Variants in USP22 observed in about 807,000 individuals in gnomAD.
USP22 encodes the protein ubiquitin carboxyl-terminal hydrolase 22.
A neutral mutation model predicts 68.1 loss-of-function variants in USP22; 22 were observed. That is an observed-to-expected ratio of 0.32 (90% CI 0.23 to 0.46). The LOEUF (loss-of-function observed/expected upper bound fraction) is 0.46, where lower values mean the gene tolerates loss of function less well. USP22 is among the 20% of genes least tolerant of loss of function. The pLI, the probability that USP22 is intolerant of heterozygous loss-of-function variation, is 1.00. For missense variants in USP22, 433 were observed against 695.8 expected, an observed-to-expected ratio of 0.62 and a Z score of 4.25; for synonymous variants, 279 against 274.2, an observed-to-expected ratio of 1.02 and a Z score of -0.17.
chr17:21,001,193 T>C lies in USP22; in HGVS notation c.*1838A>G, dbSNP rs1381982993. The C allele has an allele frequency of 1.3e-5, 2 of 152,180 alleles. No individual in the cohort carries two copies. Among genetic ancestry groups the C allele is most frequent in the Non-Finnish European group, 2.9e-5 (2 of 68,038 alleles). The allele number at this position is 152,180 out of a possible 1,614,324, so 9.4% of individuals were successfully genotyped here. On this transcript the variant is annotated 3_prime_UTR_variant, in exon 13 of 13. Coordinates refer to ENST00000261497, the MANE Select transcript of USP22 (RefSeq NM_015276.2). ...ATTCATTTTATAAAACATGCTTCCA[T>C]GTGAATTCTTTAAGTGCAGAAAAAC...
intron 2 of USP22, among the ~76,000 whole-genome samples, chr17:21,023,517 T>C (rs1319330019): frequency 1.3e-5 from 2 of 151,354 alleles, no homozygotes; most frequent in Non-Finnish European, 1.5e-5. Context: ...TGGTGGTGTG[T>C]GTCTAAGGTC....
At position 21,019,180 on chromosome 17, in the gene USP22, C is replaced by T. The variant is rs1972123923; in HGVS notation, c.424G>A (p.Gly142Arg). Residue 142 changes from glycine (G) to arginine (R), a missense_variant, in exon 4 of 13, where the codon GGA (glycine) becomes AGA (arginine). By Grantham distance (125) the Gly-to-Arg change is moderately radical (BLOSUM62 -2). Around this residue, in one of 4 missense-constraint regions of USP22, gnomAD observed 144 missense variants for 237.2 expected, o/e 0.61. Coordinates refer to ENST00000261497, the MANE Select transcript of USP22 (RefSeq NM_015276.2). ...GGTTCCCAAGTTGAAAACTTCTCTC[C>T]AACGCCTAAGCAGATGAAGGACAGT... ...QRKAWKMQGV[G>R]EKFSTWEPTK... The T allele has an allele frequency of 1.9e-6, 3 of 1,614,020 alleles. No individual in the cohort carries two copies. The highest frequency in any genetic ancestry group is 4.5e-5 in the East Asian group (2 of 44,886).
At chr17:21,034,530 T>C (rs1353236209) in intron 1 of USP22, among the ~76,000 whole-genome samples, 1 of 152,196 alleles carries the variant, frequency 6.6e-6, no homozygotes, top group African/African-American at 2.4e-5. Flanking sequence ...TTCATAAGCT[T>C]TAAACTGCCC....
chr17:21,015,879 G>C lies in USP22; in HGVS notation c.711C>G (p.Ser237=), dbSNP rs370527598. The change falls in exon 6 of 13, where the codon TCC becomes TCG. Residue 237 remains serine (S), a synonymous_variant. Coordinates refer to ENST00000261497, the MANE Select transcript of USP22 (RefSeq NM_015276.2). ...LFQEFYSGHR[S]PHIPYKLLHL... is the part of the protein sequence containing the mutation. ...GCAGCAACTTATACGGGATGTGAGGGGACCGGTGTCCAGAGTAAAACTGCC... is the reference window on the plus strand; with the variant it reads ...GCAGCAACTTATACGGGATGTGAGGCGACCGGTGTCCAGAGTAAAACTGCC... The C allele has an allele frequency of 3.5e-5, 56 of 1,613,942 alleles. No homozygotes were observed. Among genetic ancestry groups the C allele is most frequent in the Admixed American group, 5.0e-5 (3 of 59,972 alleles).
At chr17:21,008,293 G>A (rs1034729814) in intron 8 of USP22, among the ~76,000 whole-genome samples, 1 of 152,118 alleles carries the variant, frequency 6.6e-6, no homozygotes. Context: ...GAAAACTAAT[G>A]TTCACACACA....
chr17:21,005,701 G>A (rs1021161795), intron 10 of USP22, among the ~76,000 whole-genome samples: 3 of 152,166 alleles, frequency 2.0e-5, no homozygotes, highest in East Asian at 1.9e-4. Context: ...GGAAGAGGCC[G>A]CTAACTACCA....
chr17:21,002,337 T>C lies in USP22; in HGVS notation c.*694A>G, dbSNP rs1913612581. On this transcript the variant is annotated 3_prime_UTR_variant, in exon 13 of 13. Coordinates refer to ENST00000261497, the MANE Select transcript of USP22 (RefSeq NM_015276.2). ...AGTAATTCATTCACTTTACTAGTAT[T>C]ACATTTATGAAATTCACCTTTGTGG... 1 of 152,276 alleles carries C rather than the reference T, an allele frequency of 6.6e-6. No homozygotes were observed. Among genetic ancestry groups the C allele is most frequent in the Non-Finnish European group, 1.5e-5 (1 of 68,110 alleles). 9.4% of individuals were successfully genotyped at this position (152,276 alleles called of 1,614,324 possible). A position where few individuals can be genotyped will look rare whatever the true frequency, so the allele number is the denominator to read the frequency against.
At chr17:21,035,903 C>A (rs527960414) in intron 1 of USP22, among the ~76,000 whole-genome samples, 16 of 151,714 alleles carry the variant, frequency 1.1e-4, no homozygotes, top group African/African-American at 2.7e-4. Context: ...TGGTGGCAGG[C>A]GCCTGTAGTC....
At position 21,042,877 on chromosome 17, in the gene USP22, G is replaced by A. The variant is rs1972460425; in HGVS notation, c.-42C>T. 2 of 1,219,470 alleles carry A rather than the reference G, an allele frequency of 1.6e-6. No homozygotes were observed. Among genetic ancestry groups the A allele is most frequent in the Non-Finnish European group, 2.1e-6 (2 of 974,784 alleles). The allele number at this position is 1,219,470 out of a possible 1,614,324, so 75.5% of individuals were successfully genotyped here. On this transcript the variant is annotated 5_prime_UTR_variant, in exon 1 of 13. Coordinates refer to ENST00000261497, the MANE Select transcript of USP22 (RefSeq NM_015276.2). ...CCGCGCGCGGGGGGCGGCGGCGAGG[G>A]AGGCGAGGACGACGCCAGCGCGGCG... is the stretch of plus-strand genomic sequence containing the variant.
intron 5 of USP22, 96 bp downstream of exon 5, chr17:21,017,846 T>G: frequency 6.9e-7 from 1 of 1,446,270 alleles, no homozygotes; most frequent in Non-Finnish European, 9.4e-7. Flanking sequence ...AGGTTCTAAA[T>G]GTATCTTCCT....
At chr17:21,010,461 G>A (rs1913922702) in intron 8 of USP22, among the ~76,000 whole-genome samples, 1 of 151,960 alleles carries the variant, frequency 6.6e-6, no homozygotes, top group Non-Finnish European at 1.5e-5. Context: ...TGAATCACCT[G>A]ATATCACGAG....
intron 12 of USP22, 36 bp from the exon 13 acceptor site, chr17:21,003,109 A>G (rs1913649329): frequency 1.9e-6 from 3 of 1,612,046 alleles, no homozygotes; most frequent in African/African-American, 1.3e-5. Context: ...GCTCACCTCT[A>G]ACTCCTAAGA....
intron 8 of USP22, among the ~76,000 whole-genome samples, chr17:21,010,740 C>T (rs1010206751): frequency 2.6e-5 from 4 of 151,544 alleles, no homozygotes; most frequent in Non-Finnish European, 5.9e-5. Flanking sequence ...ATTTCAAAAA[C>T]AGCCCTAAGA....
intron 2 of USP22, among the ~76,000 whole-genome samples, chr17:21,022,343 G>T (rs553156604): frequency 6.6e-6 from 1 of 151,256 alleles, no homozygotes; most frequent in East Asian, 2.0e-4. Context: ...ATCCACTTTT[G>T]CTTTCTTTGT....
At position 21,011,138 on chromosome 17, in the gene USP22, G is replaced by A. The variant is rs375612353; in HGVS notation, c.1103+13C>T. 9.8e-5 allele frequency: 154 copies of A among 1,575,516 alleles called. No individual in the cohort carries two copies. The highest frequency in any genetic ancestry group is 3.4e-4 in the Middle Eastern group (2 of 5,852). ...GGAGACACGCCCCCGCCGTGTGGGT[G>A]CAGGCCTCTCACCGTCGCAGGCAGT... is the stretch of plus-strand genomic sequence containing the variant. On this transcript the variant is annotated intron_variant, in intron 8 of 12. Transcript: ENST00000261497.
chr17:21,025,551 C>A (rs1043802229), intron 2 of USP22, among the ~76,000 whole-genome samples: 1 of 152,292 alleles, frequency 6.6e-6, no homozygotes, highest in East Asian at 1.9e-4. Context: ...CACACAATGT[C>A]CACAGTGGCA....
At chr17:21,009,878 C>T (rs1363680163) in intron 8 of USP22, among the ~76,000 whole-genome samples, 3 of 151,902 alleles carry the variant, frequency 2.0e-5, no homozygotes, top group African/African-American at 7.3e-5. Context: ...TCACGTGAAC[C>T]TGGGAGGTGG....
intron 1 of USP22, among the ~76,000 whole-genome samples, chr17:21,029,204 T>C (rs1364111210): frequency 6.6e-6 from 1 of 152,166 alleles, no homozygotes; most frequent in Non-Finnish European, 1.5e-5. Flanking sequence ...ACGGCAATGA[T>C]GAGCACAGTG....
upstream of USP22, chr17:21,043,316 G>T (rs1349871232): frequency 1.1e-4 from 1 of 9,208 alleles, no homozygotes; most frequent in Non-Finnish European, 2.1e-4. Flanking sequence ...CCCCCCCCCC[G>T]GCACCTTCGG....
Sources: allele counts gnomAD v4.1 joint callset (sites outside exome capture counted in the v4.1 genomes callset), GRCh38; gene constraint gnomAD v4.1.1; regional missense constraint gnomAD v4.1.1; transcripts MANE v1.5; gene names NCBI Gene and HGNC (gene_info 2026-07-23, HGNC 2026-07-21).